SRGAP1: variants seen among roughly 807,000 people sequenced by gnomAD.
SRGAP1 encodes the protein SLIT-ROBO Rho GTPase activating protein 1.
In SRGAP1, 43 loss-of-function variants were observed where a neutral mutation model predicts 121.9. The observed-to-expected ratio is 0.35, with a 90% CI of 0.28 to 0.46. The LOEUF (loss-of-function observed/expected upper bound fraction) is 0.46, where lower values mean the gene tolerates loss of function less well. Ranked by LOEUF, SRGAP1 falls within the 20% of genes least tolerant of loss-of-function variation. SRGAP1 has a pLI of 1.00. For synonymous variants in SRGAP1, 447 were observed against 485.4 expected, an observed-to-expected ratio of 0.92 and a Z score of 1.04; for missense variants, 1,102 against 1,350.9, an observed-to-expected ratio of 0.82 and a Z score of 2.89.
At position 64,142,206 on chromosome 12, in the gene SRGAP1, G is replaced by A. The variant is rs56176905; in HGVS notation, c.2881-89G>A. The A allele has an allele frequency of 5.0e-4, 703 of 1,416,714 alleles. 3 individuals carry two copies. In the African/African-American group the frequency reaches 8.7e-3, roughly 18 times the overall value. 87.8% of individuals were successfully genotyped at this position (1,416,714 alleles called of 1,614,324 possible). On this transcript the variant is annotated intron_variant, in intron 21 of 21. Coordinates refer to ENST00000355086, the MANE Select transcript of SRGAP1 (RefSeq NM_020762.4). ...AAAGATATCCATACTCTGCTGGGCC[G>A]TTTACTTTGAAATTAAGTGTCTGGG...
chr12:64,120,017 C>T (rs570037451), intron 18 of SRGAP1, among the ~76,000 whole-genome samples: 13 of 151,828 alleles, frequency 8.6e-5, no homozygotes, highest in African/African-American at 2.7e-4. Context: ...GTAATCCACC[C>T]GCCTCAGCCT....
At chr12:63,856,889 T>G (rs74740754) in intron 1 of SRGAP1, among the ~76,000 whole-genome samples, 1 of 152,224 alleles carries the variant, frequency 6.6e-6, no homozygotes, top group Non-Finnish European at 1.5e-5. Context: ...AATTGGCATC[T>G]ATATATTAGT....
At position 64,142,456 on chromosome 12, in the gene SRGAP1, C is replaced by T. The variant is rs139296908; in HGVS notation, c.3042C>T (p.Asn1014=). Residue 1014 remains asparagine (N), a synonymous_variant, in exon 22 of 22, where the codon AAC becomes AAT. Coordinates refer to ENST00000355086, the MANE Select transcript of SRGAP1 (RefSeq NM_020762.4). ...CGGAATCTCTCAGCCCTTTGCACAACGTTGCCCTCAGGAGCTCCGAGCCTC... is the reference window on the plus strand; with the variant it reads ...CGGAATCTCTCAGCCCTTTGCACAATGTTGCCCTCAGGAGCTCCGAGCCTC... ...TSTESLSPLH[N]VALRSSEPQI... The T allele has an allele frequency of 9.0e-5, 146 of 1,614,152 alleles. No homozygotes were observed. In the African/African-American group the frequency reaches 1.5e-3, roughly 17 times the overall value.
At chr12:64,107,922 A>G (rs1032863608) in intron 15 of SRGAP1, among the ~76,000 whole-genome samples, 1 of 152,194 alleles carries the variant, frequency 6.6e-6, no homozygotes, top group African/African-American at 2.4e-5. Context: ...AACCAGACTT[A>G]TGAAACAGAA....
At chr12:63,923,358 T>C (rs561433363) in intron 1 of SRGAP1, among the ~76,000 whole-genome samples, 2 of 152,356 alleles carry the variant, frequency 1.3e-5, no homozygotes, top group Admixed American at 1.3e-4. Context: ...CAACATCTTT[T>C]ATAAAGGCTT....
chr12:64,027,774 C>A (rs1219940816), intron 4 of SRGAP1, among the ~76,000 whole-genome samples: 2 of 151,590 alleles, frequency 1.3e-5, no homozygotes, highest in Admixed American at 6.6e-5. Context: ...TTCTGTTGTT[C>A]CAATAAAAGG....
intron 8 of SRGAP1, among the ~76,000 whole-genome samples, chr12:64,068,085 C>T (rs983480100): frequency 3.3e-5 from 5 of 151,888 alleles, no homozygotes; most frequent in Non-Finnish European, 5.9e-5. Flanking sequence ...TCGAGACCAG[C>T]CTGGGCAACG....
chr12:63,871,637 CTTT>C, intron 1 of SRGAP1: 1 of 492,216 alleles, frequency 2.0e-6, no homozygotes. Context: ...TTTCTTTTTT[CTTT>C]TTTTTTTGGC....
At chr12:63,960,540 T>C (rs1195145172) in intron 1 of SRGAP1, among the ~76,000 whole-genome samples, 1 of 152,096 alleles carries the variant, frequency 6.6e-6, no homozygotes, top group Non-Finnish European at 1.5e-5. Flanking sequence ...TTCTCAGTCT[T>C]TTTAGCTCCT....
chr12:64,128,093 G>A lies in SRGAP1; in HGVS notation c.2773G>A (p.Asp925Asn), dbSNP rs747622771. Reference sequence around the variant, plus strand: ...CAGCCTGACCAACATCAGCCGGCACGACTCCCTCAAGAAGATCGACAGCCC... The same window carrying A: ...CAGCCTGACCAACATCAGCCGGCACAACTCCCTCAAGAAGATCGACAGCCC... The part of the protein sequence containing the change: ...HGSLTNISRH[D>N]SLKKIDSPPI... The change falls in exon 21 of 22, where the codon GAC becomes AAC. Residue 925 changes from aspartate to asparagine, a missense_variant. Asp to Asn is a conservative substitution (Grantham distance 23, BLOSUM62 1). Coordinates refer to ENST00000355086, the MANE Select transcript of SRGAP1 (RefSeq NM_020762.4). 2.2e-5 allele frequency: 35 copies of A among 1,613,970 alleles called. No homozygotes were observed. In the South Asian group the frequency reaches 2.3e-4, roughly 11 times the overall value.
In SRGAP1 at chr12:64,062,920, T is replaced by G. The variant is rs1310422663; in HGVS notation, c.805T>G (p.Cys269Gly). The G allele has an allele frequency of 3.1e-6, 5 of 1,607,874 alleles. No homozygotes were observed. The African/African-American group carries it at 5.4e-5, about 17-fold the overall frequency. ...IHDLSDLIDC[C>G]DLGYHASLNR... ...TGGTGTTCTTTTACTTTTTAAGTGC[T>G]GTGATCTTGGCTACCATGCAAGTCT... The change falls in exon 7 of 22, where the codon TGT becomes GGT. Residue 269 changes from cysteine to glycine, a missense_variant. By Grantham distance (159) the Cys-to-Gly change is radical. This residue lies in a region of SRGAP1 where 747 missense variants were observed against 929.4 expected (regional missense o/e 0.80). Coordinates refer to ENST00000355086, the MANE Select transcript of SRGAP1 (RefSeq NM_020762.4).
At chr12:63,945,998 C>T (rs2032034349) in intron 1 of SRGAP1, among the ~76,000 whole-genome samples, 1 of 152,134 alleles carries the variant, frequency 6.6e-6, no homozygotes, top group Admixed American at 6.6e-5. Flanking sequence ...TTCACCCACA[C>T]ATACCTTCCT....
At position 63,844,891 on chromosome 12, in the gene SRGAP1, T is replaced by G; in HGVS notation, c.67+8T>G. 6.2e-7 allele frequency: 1 copy of G among 1,613,782 alleles called. No homozygotes were observed. The highest frequency in any genetic ancestry group is 8.5e-7 in the Non-Finnish European group (1 of 1,179,676). On this transcript the variant is annotated splice_region_variant and intron_variant, in intron 1 of 21. Transcript: ENST00000355086. This position sits in a 1 kb window ranked among gnomAD's most constrained non-coding sequence, Gnocchi z 4.3. ...ATGAAAGTCAAGTCAAAGGTAAGGA[T>G]GGGAGCGGCTGCCTTGCTCCTTTTG... is the stretch of plus-strand genomic sequence containing the variant.
chr12:63,976,121 A>G (rs1243555494), intron 1 of SRGAP1, among the ~76,000 whole-genome samples: 1 of 152,198 alleles, frequency 6.6e-6, no homozygotes, highest in African/African-American at 2.4e-5. Flanking sequence ...TGCTAGACCA[A>G]CAAGATCCAA....
At chr12:64,004,760 A>G (rs2034026590) in intron 3 of SRGAP1, among the ~76,000 whole-genome samples, 1 of 152,200 alleles carries the variant, frequency 6.6e-6, no homozygotes, top group Admixed American at 6.5e-5. Context: ...TAAGAAAGAC[A>G]CTGATGAGGA....
chr12:64,066,655 T>C (rs2035546229), intron 8 of SRGAP1, among the ~76,000 whole-genome samples: 1 of 152,198 alleles, frequency 6.6e-6, no homozygotes, highest in Admixed American at 6.5e-5. Context: ...ATTTTTGGCT[T>C]CTATTATTCC....
chr12:63,857,897 A>T (rs985027839), intron 1 of SRGAP1, among the ~76,000 whole-genome samples: 4 of 152,156 alleles, frequency 2.6e-5, no homozygotes, highest in African/African-American at 4.8e-5. Flanking sequence ...CTTGTTTTCC[A>T]TTGAGAAAGG....
At chr12:64,019,143 T>G (rs2136469171) in intron 4 of SRGAP1, among the ~76,000 whole-genome samples, 2 of 152,352 alleles carry the variant, frequency 1.3e-5, no homozygotes, top group East Asian at 3.9e-4. Flanking sequence ...AAAGATGAAC[T>G]TGACCACTGA....
At chr12:63,980,494 G>A (rs1040141073) in intron 1 of SRGAP1, among the ~76,000 whole-genome samples, 4 of 152,142 alleles carry the variant, frequency 2.6e-5, no homozygotes, top group African/African-American at 9.7e-5. Flanking sequence ...TATTAGGATA[G>A]CCATGCCATT....
Sources: allele counts gnomAD v4.1 joint callset (sites outside exome capture counted in the v4.1 genomes callset), GRCh38; gene constraint gnomAD v4.1.1; regional missense constraint gnomAD v4.1.1; non-coding constraint Gnocchi (gnomAD v3.1); transcripts MANE v1.5; gene names NCBI Gene and HGNC (gene_info 2026-07-23, HGNC 2026-07-21).